Variants in PSD3 observed in about 807,000 individuals in gnomAD.
The protein encoded by PSD3 is pleckstrin and Sec7 domain containing 3.
A neutral mutation model predicts 105.5 loss-of-function variants in PSD3; 49 were observed. That is an observed-to-expected ratio of 0.46 (90% CI 0.37 to 0.59). The LOEUF is 0.59. PSD3 is among the 20% of genes least tolerant of loss of function. The pLI, the probability that PSD3 is intolerant of heterozygous loss-of-function variation, is 0.00. For missense variants in PSD3, 1,561 were observed against 1,263.8 expected, an observed-to-expected ratio of 1.24 and a Z score of -3.57; for synonymous variants, 557 against 457.8, an observed-to-expected ratio of 1.22 and a Z score of -2.77.
Position 18,801,292 on chromosome 8 carries a change from G to A in PSD3, c.2001C>T (p.Asn667=), listed in dbSNP as rs758201575. ...IHFSNRYFYC[N]PDTIASQDGV... ...TACCTTGTGAAGCAATGGTATCTGG[G>A]TTACAATAAAAATATCTATTGGAGA... Residue 667 remains asparagine, a synonymous_variant, in exon 7 of 16, where the codon AAC becomes AAT. Coordinates refer to ENST00000327040, the MANE Select transcript of PSD3 (RefSeq NM_015310.4). 20 of 1,595,070 alleles carry A rather than the reference G, an allele frequency of 1.3e-5. No individual in the cohort carries two copies. The highest frequency in any genetic ancestry group is 1.6e-5 in the Non-Finnish European group (19 of 1,165,300).
chr8:18,538,079 C>A (rs1208114030), intron 15 of PSD3, among the ~76,000 whole-genome samples: 2 of 150,970 alleles, frequency 1.3e-5, no homozygotes, highest in African/African-American at 4.8e-5. Flanking sequence ...ACATGCTGCA[C>A]CTGAGGAAAA....
chr8:18,645,733 T>C (rs767087893), intron 10 of PSD3, among the ~76,000 whole-genome samples: 1 of 152,204 alleles, frequency 6.6e-6, no homozygotes, highest in South Asian at 2.1e-4. Context: ...AGAATTTCAA[T>C]GAGGTGTAAT....
At chr8:18,834,498 G>T (rs1452172321) in intron 4 of PSD3, among the ~76,000 whole-genome samples, 1 of 152,134 alleles carries the variant, frequency 6.6e-6, no homozygotes, top group Non-Finnish European at 1.5e-5. Flanking sequence ...CTGGCAACAG[G>T]CCCCAAGAGC....
chr8:18,692,659 T>A (rs768845795), intron 9 of PSD3, among the ~76,000 whole-genome samples: 8 of 152,122 alleles, frequency 5.3e-5, no homozygotes, highest in Non-Finnish European at 1.0e-4. Flanking sequence ...TAACAGAACC[T>A]GATTGGAATT....
At chr8:18,838,607 C>G (rs1814339444) in intron 4 of PSD3, among the ~76,000 whole-genome samples, 1 of 151,896 alleles carries the variant, frequency 6.6e-6, no homozygotes, top group Admixed American at 6.6e-5. Flanking sequence ...CAAGACCATC[C>G]TGGTTCACAT....
intron 4 of PSD3, among the ~76,000 whole-genome samples, chr8:18,834,486 C>T (rs550213067): frequency 7.4e-4 from 112 of 152,262 alleles, no homozygotes; most frequent in African/African-American, 2.6e-3. Flanking sequence ...CATCCACAGC[C>T]CCTGGCAACA....
At chr8:18,856,823 T>C (rs1338207696) in intron 4 of PSD3, among the ~76,000 whole-genome samples, 1 of 152,204 alleles carries the variant, frequency 6.6e-6, no homozygotes, top group Non-Finnish European at 1.5e-5. Flanking sequence ...GAAGAGGTTT[T>C]AAAGACATTT....
At chr8:18,832,445 A>G (rs536139249) in intron 4 of PSD3, among the ~76,000 whole-genome samples, 1 of 152,234 alleles carries the variant, frequency 6.6e-6, no homozygotes, top group African/African-American at 2.4e-5. Flanking sequence ...CTTATTGGCC[A>G]CACTCCTTTC....
intron 9 of PSD3, among the ~76,000 whole-genome samples, chr8:18,702,840 C>G (rs941077885): frequency 6.6e-6 from 1 of 151,990 alleles, no homozygotes; most frequent in Admixed American, 6.6e-5. Context: ...TCTCGATCTC[C>G]TGACCTCATG....
intron 1 of PSD3, among the ~76,000 whole-genome samples, chr8:19,002,625 A>G (rs1488872493): frequency 1.3e-5 from 2 of 152,090 alleles, no homozygotes; most frequent in Admixed American, 1.3e-4. Context: ...ACATATTTAC[A>G]TCTTCCCATA....
chr8:18,768,632 C>T (rs943630851), intron 8 of PSD3, among the ~76,000 whole-genome samples: 1 of 152,160 alleles, frequency 6.6e-6, no homozygotes, highest in Non-Finnish European at 1.5e-5. Context: ...AATATGTATA[C>T]ACAACCTCAA....
chr8:18,547,932 C>A (rs1014607103), intron 15 of PSD3, among the ~76,000 whole-genome samples: 1 of 152,148 alleles, frequency 6.6e-6, no homozygotes, highest in African/African-American at 2.4e-5. Context: ...GTCTATGATG[C>A]AGCAATTGGC....
At chr8:18,911,213 G>A (rs977163062) in intron 2 of PSD3, among the ~76,000 whole-genome samples, 1 of 152,166 alleles carries the variant, frequency 6.6e-6, no homozygotes, top group Non-Finnish European at 1.5e-5. Context: ...AAACCACAGG[G>A]AGACACAGAC....
intron 4 of PSD3, among the ~76,000 whole-genome samples, chr8:18,842,756 T>C (rs1000356796): frequency 2.6e-5 from 4 of 152,096 alleles, no homozygotes; most frequent in African/African-American, 9.7e-5. Context: ...TGTATGGCTT[T>C]ACTAGTATAC....
At chr8:18,875,737 C>T (rs1460487156) in intron 2 of PSD3, among the ~76,000 whole-genome samples, 2 of 152,122 alleles carry the variant, frequency 1.3e-5, no homozygotes, top group Non-Finnish European at 2.9e-5. Context: ...CGGGGTTTCA[C>T]AGTGTTAGCC....
At chr8:18,695,708 A>G (rs1801219697) in intron 9 of PSD3, among the ~76,000 whole-genome samples, 1 of 152,242 alleles carries the variant, frequency 6.6e-6, no homozygotes, top group Non-Finnish European at 1.5e-5. Flanking sequence ...CACATACCAG[A>G]AAATAATTTT....
At chr8:18,827,219 T>C (rs1328206193) in intron 4 of PSD3, among the ~76,000 whole-genome samples, 1 of 152,068 alleles carries the variant, frequency 6.6e-6, no homozygotes, top group Admixed American at 6.5e-5. Context: ...AAGACAGAAA[T>C]AATGGACCAA....
At chr8:19,029,528 A>G (rs1827682986) in intron 1 of PSD3, among the ~76,000 whole-genome samples, 1 of 152,190 alleles carries the variant, frequency 6.6e-6, no homozygotes, top group South Asian at 2.1e-4. Context: ...CCTTCTTCAT[A>G]TGATGACAGC....
intron 9 of PSD3, among the ~76,000 whole-genome samples, chr8:18,709,801 A>G (rs1000073630): frequency 6.6e-6 from 1 of 152,212 alleles, no homozygotes; most frequent in African/African-American, 2.4e-5. Context: ...CAACAACAAC[A>G]ATAACAAAAA....
Sources: gnomAD v4.1 joint callset for allele counts (sites outside exome capture counted in the v4.1 genomes callset) on GRCh38, gnomAD v4.1.1 for gene constraint, MANE v1.5 for transcripts, NCBI Gene and HGNC (gene_info 2026-07-23, HGNC 2026-07-21) for gene names.